Variants in AARS2 observed in about 807,000 individuals in gnomAD.
The protein encoded by AARS2 is alanine--tRNA ligase, mitochondrial.
Under a neutral mutation model 119.7 loss-of-function variants are expected in AARS2, and 78 were observed. The observed-to-expected ratio is 0.65, with a 90% CI of 0.54 to 0.79. The LOEUF is 0.79. Among genes scored for constraint, AARS2 ranks in the 30% least tolerant of loss-of-function variants. The pLI, the probability that AARS2 is intolerant of heterozygous loss-of-function variation, is 0.00. For missense variants in AARS2, 1,157 were observed against 1,291.3 expected, an observed-to-expected ratio of 0.90 and a Z score of 1.59; for synonymous variants, 502 against 526.3, an observed-to-expected ratio of 0.95 and a Z score of 0.63.
chr6:44,313,187 A>C lies in AARS2; in HGVS notation c.137T>G (p.Phe46Cys). 1 of 1,612,262 alleles carries C rather than the reference A, an allele frequency of 6.2e-7. No homozygotes were observed. ...AAKASAVRAA[F>C]LNFFRDRHGH... The stretch of plus-strand genomic sequence containing the variant: ...ATGGCGGTCCCGAAAGAAGTTCAGA[A>C]AGGCGGCCCTCACGGCCGAGGCCTT... Residue 46 changes from phenylalanine (F) to cysteine (C), a missense_variant, in exon 1 of 22, where the codon TTT (phenylalanine) becomes TGT (cysteine). Coordinates refer to ENST00000244571, the MANE Select transcript of AARS2 (RefSeq NM_020745.4).
At position 44,305,797 on chromosome 6, in the gene AARS2, G is replaced by A. The variant is rs776436233; in HGVS notation, c.1301-11C>T. The stretch of plus-strand genomic sequence containing the variant: ...ACCAGGCCACTTCAGCTTTGAGAAA[G>A]AAAGACAAAGAATGTTGAGGAGGGG... On this transcript the variant is annotated splice_polypyrimidine_tract_variant and intron_variant, in intron 9 of 21. Coordinates refer to ENST00000244571, the MANE Select transcript of AARS2 (RefSeq NM_020745.4). This position sits in a 1 kb window ranked among gnomAD's most constrained non-coding sequence, Gnocchi z 4.6. 6.2e-7 allele frequency: 1 copy of A among 1,614,010 alleles called. No individual in the cohort carries two copies. Among genetic ancestry groups the A allele is most frequent in the South Asian group, 1.1e-5 (1 of 91,084 alleles).
In AARS2 at chr6:44,300,346, G is replaced by GT; in HGVS notation, c.*200dup. 1.5e-6 allele frequency: 1 copy of GT among 669,640 alleles called. No individual in the cohort carries two copies. The highest frequency in any genetic ancestry group is 2.6e-6 in the Non-Finnish European group (1 of 384,930). The allele number at this position is 669,640 out of a possible 1,614,324, so 41.5% of individuals were successfully genotyped here. On this transcript the variant is annotated 3_prime_UTR_variant, in exon 22 of 22. Transcript: ENST00000244571. ...ATGTCTTCTCTTTCACCAAGGGGGT[G>GT]TGTGTCTTTGGGCCCAGTTCTGCCT...
intron 5 of AARS2, 91 bp downstream of exon 5, chr6:44,310,208 C>G: frequency 6.7e-7 from 1 of 1,488,586 alleles, no homozygotes. Flanking sequence ...ATGCTGAGAA[C>G]ACTCTGAGTT....
chr6:44,304,675 G>A lies in AARS2; in HGVS notation c.1722C>T (p.Asp574=). 2 of 1,614,254 alleles carry A rather than the reference G, an allele frequency of 1.2e-6. No individual in the cohort carries two copies. Among genetic ancestry groups the A allele is most frequent in the Admixed American group, 1.7e-5 (1 of 60,028 alleles). ...GCCCTGCCCGCACCAGGTAGCCACG[G>A]TCTGAAGCCTGGCCCCCCTGTTCTG... is the stretch of plus-strand genomic sequence containing the variant. ...FYAEQGGQAS[D]RGYLVRAGQE... The change falls in exon 12 of 22, where the codon GAC becomes GAT. Residue 574 remains aspartate (D), a synonymous_variant. Transcript: ENST00000244571.
Position 44,300,719 on chromosome 6 carries a change from C to A in AARS2, c.2794-8G>T, listed in dbSNP as rs1404270454. The A allele has an allele frequency of 6.2e-7, 1 of 1,611,552 alleles. No homozygotes were observed. The highest frequency in any genetic ancestry group is 1.3e-5 in the African/African-American group (1 of 74,934). ...GAAGGTGGGCATGGCACCCTAGGAA[C>A]AGAATCAGAAGAGGAAGCGATGCAG... On this transcript the variant is annotated splice_polypyrimidine_tract_variant and splice_region_variant and intron_variant, in intron 21 of 21. Coordinates refer to ENST00000244571, the MANE Select transcript of AARS2 (RefSeq NM_020745.4).
chr6:44,307,236 C>T lies in AARS2; in HGVS notation c.1040+13G>A. ...AGCAGCCCCTGTCCTCTCTGTAGCC[C>T]TTCCAGACTCACGGGGGACCTGACA... On this transcript the variant is annotated intron_variant, in intron 6 of 21. Coordinates refer to ENST00000244571, the MANE Select transcript of AARS2 (RefSeq NM_020745.4). This position sits in a 1 kb window ranked among gnomAD's most constrained non-coding sequence, Gnocchi z 4.4. The T allele has an allele frequency of 1.2e-6, 2 of 1,613,980 alleles. No homozygotes were observed. The highest frequency in any genetic ancestry group is 1.7e-6 in the Non-Finnish European group (2 of 1,179,970).
rs1331550488 is a variant in AARS2, at chr6:44,307,483, C to T, written c.895-89G>A. 5 of 1,502,866 alleles carry T rather than the reference C, an allele frequency of 3.3e-6. No individual in the cohort carries two copies. The African/African-American group carries it at 6.9e-5, about 21-fold the overall frequency. The allele number at this position is 1,502,866 out of a possible 1,614,324, so 93.1% of individuals were successfully genotyped here. A position where few individuals can be genotyped will look rare whatever the true frequency, so the allele number is the denominator to read the frequency against. On this transcript the variant is annotated intron_variant, in intron 5 of 21. Coordinates refer to ENST00000244571, the MANE Select transcript of AARS2 (RefSeq NM_020745.4). This position sits in a 1 kb window ranked among gnomAD's most constrained non-coding sequence, Gnocchi z 4.4. ...GCCTCTAGAGCATCTGCCCTCAGCC[C>T]TAAAGCCAACCACATCCAGAATGGC...
At chr6:44,306,201 C>G in intron 9 of AARS2, 79 bp downstream of exon 9, 1 of 1,355,376 alleles carries the variant, frequency 7.4e-7, no homozygotes, top group Non-Finnish European at 1.1e-6. Context: ...AGGCATGGGG[C>G]TGGCCCAGAG....
Position 44,311,559 on chromosome 6 carries a change from T to TC in AARS2, c.436-25_436-24insG, listed in dbSNP as rs1554149109. The TC allele has an allele frequency of 8.8e-6, 14 of 1,587,650 alleles. No homozygotes were observed. The South Asian group carries it at 1.3e-4, about 15-fold the overall frequency. On this transcript the variant is annotated intron_variant, in intron 2 of 21. Coordinates refer to ENST00000244571, the MANE Select transcript of AARS2 (RefSeq NM_020745.4). ...TCCTGCAGCAGAAACCAGCATGGGG[T>TC]GGGGGGGGAAGACGGGTGAGAGGGA...
rs760967545 is a variant in AARS2 at position 44,300,553 on chromosome 6, C to G, written c.2952G>C (p.Gln984His). Residue 984 changes from glutamine (Q) to histidine (H), a missense_variant, in exon 22 of 22, where the codon CAG (glutamine) becomes CAC (histidine). Gln to His is a conservative substitution (Grantham distance 24). Transcript: ENST00000244571. Reference sequence around the variant, plus strand: ...GTCCCTGGGCGGACCTGGGTCAGAGCTGGCTGAGGGCATAGGTTTGGGCTA... The same window carrying G: ...GTCCCTGGGCGGACCTGGGTCAGAGGTGGCTGAGGGCATAGGTTTGGGCTA... ...LSIAQTYALS[Q>H]L The G allele has an allele frequency of 2.3e-4, 378 of 1,614,022 alleles. 4 individuals carry two copies. In the South Asian group the frequency reaches 3.9e-3, roughly 16 times the overall value.
At chr6:44,302,033 C>A (rs781134437) in intron 19 of AARS2, 27 bp downstream of exon 19, 2 of 1,610,634 alleles carry the variant, frequency 1.2e-6, no homozygotes, top group Admixed American at 3.3e-5. Flanking sequence ...TCTCTGGGCA[C>A]ATGGGTGCAG....
chr6:44,303,645 G>C (rs1410294795), intron 14 of AARS2, among the ~76,000 whole-genome samples: 2 of 152,150 alleles, frequency 1.3e-5, no homozygotes, highest in Non-Finnish European at 2.9e-5. Flanking sequence ...CCTTTCACCA[G>C]GCACCAAAAG....
Position 44,305,503 on chromosome 6 carries a change from G to T in AARS2, c.1434+150C>A. The T allele has an allele frequency of 7.9e-7, 1 of 1,266,906 alleles. No individual in the cohort carries two copies. Among genetic ancestry groups the T allele is most frequent in the Non-Finnish European group, 1.1e-6 (1 of 899,522 alleles). 78.5% of individuals were successfully genotyped at this position (1,266,906 alleles called of 1,614,324 possible). On this transcript the variant is annotated intron_variant, in intron 10 of 21. Transcript: ENST00000244571. This position sits in a 1 kb window ranked among gnomAD's most constrained non-coding sequence, Gnocchi z 4.6. Reference sequence around the variant, plus strand: ...CTAGTTTTGCTTTCTACTGGTTGTGGCCTGAGGTTTTAGAAACCTCCCAGG... The same window carrying T: ...CTAGTTTTGCTTTCTACTGGTTGTGTCCTGAGGTTTTAGAAACCTCCCAGG...
chr6:44,307,331 CTG>C lies in AARS2; in HGVS notation c.956_957del (p.Thr319SerfsTer7). On this transcript the variant is annotated frameshift_variant, in exon 6 of 22. Coordinates refer to ENST00000244571, the MANE Select transcript of AARS2 (RefSeq NM_020745.4). LOFTEE classifies it high-confidence loss of function. The surrounding 1 kb of genome is among the most constrained non-coding windows in gnomAD (Gnocchi z 4.4). Reference protein sequence around the residue: ...VGVADEGRTDTAYRVVADHIR... With the variant: ...VGVADEGRTDXAYRVVADHIR... The stretch of plus-strand genomic sequence containing the variant: ...ATGTGGTCAGCCACCACGCGGTACG[CTG>C]TGTCTGTGCGCCCCTCGTCTGCCAC... 1 of 1,613,144 alleles carries C rather than the reference CTG, an allele frequency of 6.2e-7. No homozygotes were observed. Among genetic ancestry groups the C allele is most frequent in the Non-Finnish European group, 8.5e-7 (1 of 1,179,618 alleles).
At position 44,305,593 on chromosome 6, in the gene AARS2, G is replaced by A; in HGVS notation, c.1434+60C>T. ...AATATTCACAGCTCCTCCCCCAGGA[G>A]CTCAGGGCTGGGGAAGAGGTGTCCT... is the stretch of plus-strand genomic sequence containing the variant. On this transcript the variant is annotated intron_variant, in intron 10 of 21. Transcript: ENST00000244571. The surrounding 1 kb of genome is among the most constrained non-coding windows in gnomAD (Gnocchi z 4.6). 1 of 1,607,678 alleles carries A rather than the reference G, an allele frequency of 6.2e-7. No homozygotes were observed. The highest frequency in any genetic ancestry group is 1.7e-5 in the Admixed American group (1 of 60,012).
At position 44,299,051 on chromosome 6, in the gene AARS2, G is replaced by A. The variant is rs1410501052; in HGVS notation, c.*1496C>T. The stretch of plus-strand genomic sequence containing the variant: ...TCACCTGCCCCTATCCCAGCTCACT[G>A]CTCAGTGGCACTGGCCACCTCACGG... On this transcript the variant is annotated 3_prime_UTR_variant, in exon 22 of 22. Transcript: ENST00000244571. Among the ~76,000 whole-genome samples the A allele has an allele frequency of 2.0e-5, 3 of 152,138 alleles. No individual in the cohort carries two copies. Among genetic ancestry groups the A allele is most frequent in the Non-Finnish European group, 4.4e-5 (3 of 68,028 alleles).
In AARS2 at chr6:44,302,079, C is replaced by A; in HGVS notation, c.2579G>T (p.Arg860Leu). The A allele has an allele frequency of 6.2e-7, 1 of 1,614,140 alleles. No homozygotes were observed. Among genetic ancestry groups the A allele is most frequent in the South Asian group, 1.1e-5 (1 of 91,078 alleles). The change falls in exon 19 of 22, where the codon CGT (arginine) becomes CTT (leucine). Residue 860 changes from arginine to leucine, a missense_variant. Physicochemically the swap from Arg to Leu is moderately radical, Grantham distance 102 (BLOSUM62 -2). Transcript: ENST00000244571. Reference protein sequence around the residue: ...MLQRRANTAIRKLQMGQAAKK... With the variant: ...MLQRRANTAILKLQMGQAAKK... ...TCTCACCTGTCCCATTTGCAGCTTA[C>A]GGATGGCAGTGTTGGCACGCCGCTG...
At chr6:44,300,936 C>T in intron 21 of AARS2, 1 of 722,372 alleles carries the variant, frequency 1.4e-6, no homozygotes, top group African/African-American at 1.7e-5. Flanking sequence ...GATGTGAGGC[C>T]TGGGAGGGGT....
chr6:44,308,391 T>C lies in AARS2; in HGVS notation c.895-997A>G, dbSNP rs370230893. ...CCATCTGTACTAAAAATACAAAAATTAGTCAGGTGTGTTGGCGGGTGCCTG... is the reference window on the plus strand; with the variant it reads ...CCATCTGTACTAAAAATACAAAAATCAGTCAGGTGTGTTGGCGGGTGCCTG... On this transcript the variant is annotated intron_variant, in intron 5 of 21. Transcript: ENST00000244571. Among the ~76,000 whole-genome samples, 9 of 151,932 alleles carry C rather than the reference T, an allele frequency of 5.9e-5. No homozygotes were observed. In the East Asian group the frequency reaches 1.8e-3, roughly 30 times the overall value.
Sources: allele counts gnomAD v4.1 joint callset (sites outside exome capture counted in the v4.1 genomes callset), GRCh38; gene constraint gnomAD v4.1.1; non-coding constraint Gnocchi (gnomAD v3.1); transcripts MANE v1.5; gene names NCBI Gene and HGNC (gene_info 2026-07-23, HGNC 2026-07-21).